CCSER1: variants seen among roughly 807,000 people sequenced by gnomAD.
CCSER1 encodes the protein serine-rich coiled-coil domain-containing protein 1.
In CCSER1, 41 loss-of-function variants were observed where a neutral mutation model predicts 82.0. That is an observed-to-expected ratio of 0.50 (90% CI 0.39 to 0.65). CCSER1 has a LOEUF of 0.65. Among genes scored for constraint, CCSER1 ranks in the 30% least tolerant of loss-of-function variants. The probability of loss-of-function intolerance (pLI) is 0.00; values close to 1 mark genes in which losing one functional copy is unlikely to be tolerated. For missense variants in CCSER1, 1,119 were observed against 1,064.2 expected, an observed-to-expected ratio of 1.05 and a Z score of -0.72; for synonymous variants, 414 against 383.9, an observed-to-expected ratio of 1.08 and a Z score of -0.92.
chr4:91,500,204 T>C (rs1759135704), intron 10 of CCSER1, among the ~76,000 whole-genome samples: 1 of 152,008 alleles, frequency 6.6e-6, no homozygotes, highest in Non-Finnish European at 1.5e-5. Flanking sequence ...TTGTTTCAAT[T>C]TGCAATGCCC....
At position 90,317,515 on chromosome 4, in the gene CCSER1, G is replaced by C. The variant is rs555128145; in HGVS notation, c.1509+4468G>C. 7.9e-5 allele frequency among the ~76,000 whole-genome samples: 12 copies of C among 152,212 alleles called. No homozygotes were observed. The South Asian group carries it at 2.5e-3, about 32-fold the overall frequency. ...CCAGTGCCTGTAATCCCAGCTACTC[G>C]GAAGGCTGAGGCAGGAGAATTGCCT... On this transcript the variant is annotated intron_variant, in intron 3 of 10. Transcript: ENST00000509176.
In CCSER1 at chr4:90,155,271, T is replaced by C. The variant is rs1727848816; in HGVS notation, c.-42+27440T>C. On this transcript the variant is annotated intron_variant, in intron 1 of 10. Coordinates refer to ENST00000509176, the MANE Select transcript of CCSER1 (RefSeq NM_001145065.2). ...ATAAGCTTTTTGATGTGCTGTTGGA[T>C]TCAGTTTGCCAGTATTTTATTGAGG... 2.6e-5 allele frequency among the ~76,000 whole-genome samples: 4 copies of C among 152,284 alleles called. No individual in the cohort carries two copies. In the South Asian group the frequency reaches 8.3e-4, roughly 32 times the overall value.
At chr4:90,272,870 G>A (rs1256488843) in intron 1 of CCSER1, among the ~76,000 whole-genome samples, 4 of 152,160 alleles carry the variant, frequency 2.6e-5, no homozygotes, top group Admixed American at 2.6e-4. Flanking sequence ...GAGCATGGTG[G>A]CATGCGCCTG....
intron 5 of CCSER1, among the ~76,000 whole-genome samples, chr4:90,534,976 A>T (rs1775129619): frequency 6.6e-6 from 1 of 152,206 alleles, no homozygotes; most frequent in Non-Finnish European, 1.5e-5. Flanking sequence ...ATCTGTATTT[A>T]ACAAAATCAC....
intron 10 of CCSER1, among the ~76,000 whole-genome samples, chr4:91,595,854 G>T (rs573672789): frequency 1.4e-5 from 2 of 146,168 alleles, no homozygotes; most frequent in East Asian, 4.3e-4. Flanking sequence ...ATATATATCT[G>T]ACCCTACCCA....
chr4:90,512,517 CTCCT>C (rs1159890214), intron 5 of CCSER1, among the ~76,000 whole-genome samples: 1 of 152,068 alleles, frequency 6.6e-6, no homozygotes, highest in Non-Finnish European at 1.5e-5. Context: ...TATAACAAGA[CTCCT>C]TCCATTCTCT....
Position 91,380,196 on chromosome 4 carries a change from T to C in CCSER1, c.2218-218376T>C, listed in dbSNP as rs566865637. Among the ~76,000 whole-genome samples, 36 of 152,310 alleles carry C rather than the reference T, an allele frequency of 2.4e-4. No homozygotes were observed. The East Asian group carries it at 5.0e-3, about 21-fold the overall frequency. On this transcript the variant is annotated intron_variant, in intron 10 of 10. Transcript: ENST00000509176. Reference sequence around the variant, plus strand: ...GTGGTCAATTTTGGAATAAGTGCGATGTGGTGCTGAGAATAATATATATTC... The same window carrying C: ...GTGGTCAATTTTGGAATAAGTGCGACGTGGTGCTGAGAATAATATATATTC...
intron 9 of CCSER1, among the ~76,000 whole-genome samples, chr4:90,947,560 G>T (rs1732406245): frequency 6.6e-6 from 1 of 151,892 alleles, no homozygotes; most frequent in South Asian, 2.1e-4. Flanking sequence ...CTACTGAATT[G>T]CCTGGAACTT....
intron 5 of CCSER1, among the ~76,000 whole-genome samples, chr4:90,481,037 G>T (rs1321638219): frequency 2.6e-5 from 4 of 152,068 alleles, no homozygotes; most frequent in Non-Finnish European, 5.9e-5. Flanking sequence ...ATTTGTTTGT[G>T]TCCTCTTTTA....
At chr4:90,741,039 A>C (rs748590665) in intron 7 of CCSER1, among the ~76,000 whole-genome samples, 5 of 152,166 alleles carry the variant, frequency 3.3e-5, no homozygotes, top group Non-Finnish European at 5.9e-5. Context: ...AATTGGCCAA[A>C]GTGAGGATTC....
intron 5 of CCSER1, among the ~76,000 whole-genome samples, chr4:90,533,971 T>A (rs545029427): frequency 2.0e-5 from 3 of 152,244 alleles, no homozygotes; most frequent in Non-Finnish European, 4.4e-5. Context: ...TAATACAGTT[T>A]CCTGAAAGTA....
intron 7 of CCSER1, among the ~76,000 whole-genome samples, chr4:90,739,852 G>A (rs1241279019): frequency 1.3e-5 from 2 of 152,102 alleles, no homozygotes. Flanking sequence ...GGGGAAGGGT[G>A]GTGTAGGTAA....
chr4:90,925,649 A>G (rs1456978428), intron 9 of CCSER1, among the ~76,000 whole-genome samples: 3 of 152,124 alleles, frequency 2.0e-5, no homozygotes, highest in Admixed American at 6.6e-5. Flanking sequence ...TCTAATTTCT[A>G]TGATATTTCT....
chr4:90,150,237 T>C (rs1197967826), intron 1 of CCSER1, among the ~76,000 whole-genome samples: 4 of 152,192 alleles, frequency 2.6e-5, no homozygotes, highest in Non-Finnish European at 5.9e-5. Context: ...AACCAAACCC[T>C]GTGGGTACCA....
chr4:90,757,603 A>G (rs1258624628), intron 7 of CCSER1, among the ~76,000 whole-genome samples: 1 of 152,218 alleles, frequency 6.6e-6, no homozygotes, highest in Non-Finnish European at 1.5e-5. Context: ...CTCCAGAATC[A>G]TGGGCACTTA....
At chr4:90,630,213 A>G (rs939648240) in intron 6 of CCSER1, among the ~76,000 whole-genome samples, 6 of 152,206 alleles carry the variant, frequency 3.9e-5, no homozygotes, top group African/African-American at 4.8e-5. Context: ...TTGGCTTAAC[A>G]TGCAACCTGA....
At chr4:90,790,402 G>A (rs1755073330) in intron 7 of CCSER1, among the ~76,000 whole-genome samples, 1 of 152,080 alleles carries the variant, frequency 6.6e-6, no homozygotes, top group African/African-American at 2.4e-5. Flanking sequence ...CTTTGCCAAG[G>A]TATACCTCTC....
intron 7 of CCSER1, among the ~76,000 whole-genome samples, chr4:90,785,897 T>G (rs1365737359): frequency 3.3e-5 from 5 of 152,204 alleles, no homozygotes; most frequent in African/African-American, 1.2e-4. Flanking sequence ...TGCTTGTTAT[T>G]TAGGCTTTTT....
chr4:90,183,125 G>A (rs969029650), intron 1 of CCSER1, among the ~76,000 whole-genome samples: 2 of 151,928 alleles, frequency 1.3e-5, no homozygotes, highest in African/African-American at 4.8e-5. Flanking sequence ...TAGACCTTGA[G>A]GAAATATTTA....
Sources: allele counts gnomAD v4.1 joint callset (sites outside exome capture counted in the v4.1 genomes callset), GRCh38; gene constraint gnomAD v4.1.1; transcripts MANE v1.5; gene names NCBI Gene and HGNC (gene_info 2026-07-23, HGNC 2026-07-21).